Variants in MORC2 observed in about 807,000 individuals in gnomAD.
MORC2 encodes MORC family CW-type zinc finger 2.
Under a neutral mutation model 136.0 loss-of-function variants are expected in MORC2, and 30 were observed. The ratio of observed to expected loss-of-function variants is 0.22; its 90% CI spans 0.17 to 0.30. The LOEUF (loss-of-function observed/expected upper bound fraction) is 0.30. MORC2 is among the 10% of genes least tolerant of loss of function. The pLI is 1.00. For synonymous variants in MORC2, 439 were observed against 487.0 expected, an observed-to-expected ratio of 0.90 and a Z score of 1.30; for missense variants, 922 against 1,333.1, an observed-to-expected ratio of 0.69 and a Z score of 4.80.
At chr22:30,948,735 C>T (rs2040851390) in intron 5 of MORC2, among the ~76,000 whole-genome samples, 1 of 152,170 alleles carries the variant, frequency 6.6e-6, no homozygotes, top group Non-Finnish European at 1.5e-5. Flanking sequence ...AGTAACTTCA[C>T]CCTTATAAAC....
intron 1 of MORC2, among the ~76,000 whole-genome samples, chr22:30,964,132 C>T (rs1385489430): frequency 6.6e-6 from 1 of 151,980 alleles, no homozygotes; most frequent in Non-Finnish European, 1.5e-5. Context: ...CCGAGGCAGG[C>T]GGATGATGAG....
chr22:30,931,788 G>A (rs2040579359), intron 24 of MORC2, among the ~76,000 whole-genome samples: 2 of 152,206 alleles, frequency 1.3e-5, no homozygotes, highest in African/African-American at 4.8e-5. Context: ...CCAGCTACCC[G>A]GTAACAACTC....
Position 30,956,774 on chromosome 22 carries a change from T to C in MORC2, c.146A>G (p.Asp49Gly). ...AAAGCCTGACTTACCTGCATAAATA[T>C]CTATTCTGGTGGCATCAGCATCTCT... ...NARDADATRI[D>G]IYAERREDLR... is the part of the protein sequence containing the mutation. The change falls in exon 3 of 26, where the codon GAT (aspartate) becomes GGT (glycine). Residue 49 changes from aspartate (D) to glycine (G), a missense_variant. By Grantham distance (94) the Asp-to-Gly change is moderately conservative. Coordinates refer to ENST00000397641, the MANE Select transcript of MORC2 (RefSeq NM_001303256.3). The C allele has an allele frequency of 1.3e-6, 2 of 1,546,096 alleles. No individual in the cohort carries two copies. Among genetic ancestry groups the C allele is most frequent in the Non-Finnish European group, 1.7e-6 (2 of 1,143,302 alleles).
chr22:30,927,641 AG>A (rs1026887431), intron 25 of MORC2, among the ~76,000 whole-genome samples: 1 of 152,218 alleles, frequency 6.6e-6, no homozygotes, highest in African/African-American at 2.4e-5. Context: ...TCCACAGGAC[AG>A]GCACAGAGCA....
In MORC2 at chr22:30,967,876, T is replaced by C; in HGVS notation, c.14A>G (p.Asn5Ser). ...CTGAGCTCGATTCAGACTGCTGTAA[T>C]TTGTGAAAGCCATGACTGCAATAAG... Reference protein sequence around the residue: MAFTNYSSLNRAQLT... With the variant: MAFTSYSSLNRAQLT... The change falls in exon 1 of 26, where the codon AAT (asparagine) becomes AGT (serine). Residue 5 changes from asparagine (N) to serine (S), a missense_variant. Transcript: ENST00000397641. 6.4e-7 allele frequency: 1 copy of C among 1,551,034 alleles called. No homozygotes were observed.
At position 30,938,213 on chromosome 22, in the gene MORC2, GACAAAAAAA is replaced by G; in HGVS notation, c.1074-17_1074-9del. ...TTAGGTTCTTTAAGTGCTCTAAGAAGACAAAAAAACTCAAGCAGATCTACACATCGGCAC... is the reference window on the plus strand; with the variant it reads ...TTAGGTTCTTTAAGTGCTCTAAGAAGCTCAAGCAGATCTACACATCGGCAC... On this transcript the variant is annotated splice_polypyrimidine_tract_variant and intron_variant, in intron 12 of 25. Coordinates refer to ENST00000397641, the MANE Select transcript of MORC2 (RefSeq NM_001303256.3). The G allele has an allele frequency of 1.3e-6, 2 of 1,497,762 alleles. No homozygotes were observed. The highest frequency in any genetic ancestry group is 1.4e-5 in the South Asian group (1 of 71,994). 92.8% of individuals were successfully genotyped at this position (1,497,762 alleles called of 1,614,324 possible).
intron 3 of MORC2, among the ~76,000 whole-genome samples, chr22:30,956,006 C>CAA (rs576674402): frequency 7.8e-4 from 40 of 51,370 alleles, no homozygotes; most frequent in Admixed American, 2.2e-3. Flanking sequence ...GACTCCATCT[C>CAA]AAAAAAAAAA....
chr22:30,950,337 G>GCGGGGGGCCCCCC, intron 4 of MORC2, 40 bp downstream of exon 4: 6 of 761,722 alleles, frequency 7.9e-6, no homozygotes, highest in Non-Finnish European at 1.2e-5. Context: ...TGGTTACATC[G>GCGGGGGGCCCCCC]CACCCCCCCA....
chr22:30,958,834 G>T, intron 1 of MORC2, 140 bp from the exon 2 acceptor site: 1 of 637,058 alleles, frequency 1.6e-6, no homozygotes, highest in Non-Finnish European at 2.7e-6. Context: ...ACTACTCAAG[G>T]CTTTCCAGAG....
chr22:30,946,222 G>A (rs2040813220), intron 6 of MORC2, 119 bp downstream of exon 6: 1 of 676,596 alleles, frequency 1.5e-6, no homozygotes, highest in Non-Finnish European at 2.5e-6. Flanking sequence ...ACAATTAGGG[G>A]GAATGTGCTC....
rs1173000971 is a variant in MORC2 at position 30,926,810 on chromosome 22, C to T, written c.3092G>A (p.Gly1031Glu). ...CTGCTCTCTCTCCTGCCTTCAGTCC[C>T]CCTTGGTGATGAGGTCCTCAATGTA... Reference protein sequence around the residue: ...DAYIEDLITKGD With the variant: ...DAYIEDLITKED Residue 1031 changes from glycine to glutamate, a missense_variant, in exon 26 of 26, where the codon GGG becomes GAG. By Grantham distance (98) the Gly-to-Glu change is moderately conservative (BLOSUM62 -2). Transcript: ENST00000397641. The T allele has an allele frequency of 6.2e-7, 1 of 1,613,414 alleles. No homozygotes were observed. Among genetic ancestry groups the T allele is most frequent in the Non-Finnish European group, 8.5e-7 (1 of 1,179,770 alleles).
intron 1 of MORC2, 37 bp downstream of exon 1, chr22:30,967,785 T>C: frequency 6.5e-7 from 1 of 1,549,550 alleles, no homozygotes; most frequent in Non-Finnish European, 8.7e-7. Flanking sequence ...AAGGAACGAG[T>C]TACTGGTTAC....
rs762057484 is a variant in MORC2 at position 30,932,441 on chromosome 22, C to T, written c.2759G>A (p.Arg920Gln). 6.2e-7 allele frequency: 1 copy of T among 1,613,898 alleles called. No homozygotes were observed. The part of the protein sequence containing the change: ...LLVQILRNCL[R>Q]YFLPPSFPIS... The stretch of plus-strand genomic sequence containing the variant: ...GGGGAAACTTGGAGGCAGGAAGTAC[C>T]GTAAACAATTCCTAAAGAAGGCAGG... Residue 920 changes from arginine (R) to glutamine (Q), a missense_variant, in exon 24 of 26, where the codon CGG (arginine) becomes CAG (glutamine). This residue lies in a region of MORC2 where 263 missense variants were observed against 388.3 expected (regional missense o/e 0.68). Transcript: ENST00000397641. This position sits in a 1 kb window ranked among gnomAD's most constrained non-coding sequence, Gnocchi z 4.4.
rs1236088807 is a variant in MORC2 at position 30,934,137 on chromosome 22, C to T, written c.2248G>A (p.Glu750Lys). ...CTCTCCTTCCTCCTCTCAGCTTCCT[C>T]CTCAACTTCTTCCTCATCAGAAACT... is the stretch of plus-strand genomic sequence containing the variant. Reference protein sequence around the residue: ...VAVSDEEEVEEEAERRKERCK... With the variant: ...VAVSDEEEVEKEAERRKERCK... Residue 750 changes from glutamate to lysine, a missense_variant, in exon 20 of 26, where the codon GAG (glutamate) becomes AAG (lysine). By Grantham distance (56) the Glu-to-Lys change is moderately conservative. Coordinates refer to ENST00000397641, the MANE Select transcript of MORC2 (RefSeq NM_001303256.3). The surrounding 1 kb of genome is among the most constrained non-coding windows in gnomAD (Gnocchi z 4.4). 2 of 1,614,190 alleles carry T rather than the reference C, an allele frequency of 1.2e-6. No homozygotes were observed. Among genetic ancestry groups the T allele is most frequent in the East Asian group, 2.2e-5 (1 of 44,886 alleles).
At chr22:30,927,951 C>T (rs868158026) in intron 25 of MORC2, 68 bp downstream of exon 25, 2 of 1,571,004 alleles carry the variant, frequency 1.3e-6, no homozygotes, top group African/African-American at 1.4e-5. Flanking sequence ...AGAACAGGAA[C>T]AGGGCCCAGG....
At chr22:30,935,786 AC>A (rs1489432574) in intron 17 of MORC2, among the ~76,000 whole-genome samples, 2 of 152,254 alleles carry the variant, frequency 1.3e-5, no homozygotes, top group African/African-American at 4.8e-5. Context: ...CTAGAAAAAA[AC>A]ATAGAAAAAA....
In MORC2 at chr22:30,928,166, C is replaced by A; in HGVS notation, c.2883G>T (p.Leu961=). The change falls in exon 25 of 26, where the codon CTG becomes CTT. Residue 961 remains leucine (L), a synonymous_variant. Transcript: ENST00000397641. The part of the protein sequence containing the change: ...FKQYEVGLQN[L]CNSYQSRADS... ...CAGCACGGCTCTGGTAGGAATTGCACAGGTTTTGGAGCCCTACTTCATATT... is the reference window on the plus strand; with the variant it reads ...CAGCACGGCTCTGGTAGGAATTGCAAAGGTTTTGGAGCCCTACTTCATATT... 1 of 1,614,156 alleles carries A rather than the reference C, an allele frequency of 6.2e-7. No individual in the cohort carries two copies.
chr22:30,952,121 G>A (rs988057987), intron 3 of MORC2, among the ~76,000 whole-genome samples: 1 of 152,164 alleles, frequency 6.6e-6, no homozygotes, highest in African/African-American at 2.4e-5. Flanking sequence ...CAAATGAGAC[G>A]TGGCAATCAA....
chr22:30,956,101 C>G (rs1376813654), intron 3 of MORC2, among the ~76,000 whole-genome samples: 1 of 151,612 alleles, frequency 6.6e-6, no homozygotes, highest in Non-Finnish European at 1.5e-5. Flanking sequence ...AAATACCAGG[C>G]AGAAAGCAAA....
Sources: allele counts gnomAD v4.1 joint callset (sites outside exome capture counted in the v4.1 genomes callset), GRCh38; gene constraint gnomAD v4.1.1; regional missense constraint gnomAD v4.1.1; non-coding constraint Gnocchi (gnomAD v3.1); transcripts MANE v1.5; gene names NCBI Gene and HGNC (gene_info 2026-07-23, HGNC 2026-07-21).